The following CABYR variants were observed in gnomAD, a reference collection of about 807,000 sequenced individuals.
CABYR encodes the protein calcium-binding tyrosine phosphorylation-regulated protein.
CABYR carries 31 observed loss-of-function variants against 36.1 expected under a neutral mutation model. The ratio of observed to expected loss-of-function variants is 0.86; its 90% confidence interval spans 0.64 to 1.16. The LOEUF (loss-of-function observed/expected upper bound fraction) is 1.16, where lower values mean the gene tolerates loss of function less well. Ranked by LOEUF, CABYR falls within the 50% of genes most tolerant of loss-of-function variation. CABYR has a pLI of 0.00. For missense variants in CABYR, 429 were observed against 455.8 expected, an observed-to-expected ratio of 0.94 and a Z score of 0.53; for synonymous variants, 146 against 160.7, an observed-to-expected ratio of 0.91 and a Z score of 0.69.
chr18:24,158,153 T>C (rs988286457), intron 4 of CABYR, among the ~76,000 whole-genome samples: 10 of 152,106 alleles, frequency 6.6e-5, no homozygotes, highest in African/African-American at 2.4e-4. Context: ...TCCACAACAC[T>C]AAGAGGATAC....
chr18:24,148,524 G>T, intron 3 of CABYR: 1 of 156,634 alleles, frequency 6.4e-6, no homozygotes, highest in South Asian at 2.0e-4. Context: ...GATGTGTTGG[G>T]AGTGATGGTG....
chr18:24,149,480 C>T (rs994432179), intron 3 of CABYR, among the ~76,000 whole-genome samples: 2 of 152,254 alleles, frequency 1.3e-5, no homozygotes, highest in Non-Finnish European at 2.9e-5. Context: ...AGGAGTCCAG[C>T]TGGCTTCACC....
chr18:24,151,023 T>C (rs899452710), intron 3 of CABYR, among the ~76,000 whole-genome samples: 1 of 152,158 alleles, frequency 6.6e-6, no homozygotes, highest in Non-Finnish European at 1.5e-5. Flanking sequence ...ATACAGCCTC[T>C]CGTATCTCTT....
chr18:24,148,905 A>G (rs2085528407), intron 3 of CABYR, among the ~76,000 whole-genome samples: 1 of 152,130 alleles, frequency 6.6e-6, no homozygotes, highest in African/African-American at 2.4e-5. Context: ...GAGGAAAAAC[A>G]AAGCTTCCAC....
At chr18:24,160,444 C>G (rs1353452660) in intron 5 of CABYR, among the ~76,000 whole-genome samples, 2 of 152,156 alleles carry the variant, frequency 1.3e-5, no homozygotes, top group African/African-American at 4.8e-5. Flanking sequence ...CTGGGAACAA[C>G]TGAAGAGCAA....
chr18:24,143,281 TTGC>T (rs765362589), intron 2 of CABYR, 22 bp downstream of exon 2: 2 of 1,602,036 alleles, frequency 1.2e-6, no homozygotes, highest in Admixed American at 3.5e-5. Context: ...CTTTATATAT[TTGC>T]TGCTTTGAAA....
At chr18:24,148,726 G>C (rs1385298199) in intron 3 of CABYR, 2 of 149,538 alleles carry the variant, frequency 1.3e-5, no homozygotes, top group Middle Eastern at 3.4e-3. Flanking sequence ...GACCTTCATG[G>C]TGAGTGTTAC....
intron 1 of CABYR, chr18:24,139,504 G>T (rs1315431947): frequency 6.6e-6 from 1 of 152,260 alleles, no homozygotes. Flanking sequence ...CGAAGTCCCC[G>T]CTGGCATCCT....
chr18:24,152,968 G>C (rs2085678562), intron 3 of CABYR: 1 of 152,484 alleles, frequency 6.6e-6, no homozygotes, highest in Non-Finnish European at 1.5e-5. Context: ...TGTACTACAG[G>C]CCTCAAAACC....
At chr18:24,148,948 G>A (rs1211601136) in intron 3 of CABYR, among the ~76,000 whole-genome samples, 2 of 152,146 alleles carry the variant, frequency 1.3e-5, no homozygotes, top group African/African-American at 4.8e-5. Flanking sequence ...GGTTGCCACT[G>A]CTGGCTCGAA....
intron 3 of CABYR, among the ~76,000 whole-genome samples, chr18:24,154,270 A>G (rs534135803): frequency 1.5e-4 from 23 of 152,158 alleles, no homozygotes; most frequent in Non-Finnish European, 2.9e-4. Context: ...TCTATCCTCA[A>G]CAGTGCCTAG....
intron 3 of CABYR, among the ~76,000 whole-genome samples, chr18:24,149,695 C>T (rs2085564559): frequency 6.6e-6 from 1 of 152,232 alleles, no homozygotes; most frequent in Non-Finnish European, 1.5e-5. Context: ...CCGAGCCCTG[C>T]CCCGCAGGAA....
Position 24,161,533 on chromosome 18 carries a change from T to C in CABYR, c.*17T>C, listed in dbSNP as rs369630929. The stretch of plus-strand genomic sequence containing the variant: ...CCTAACAGATCCAGAAATGACGCTG[T>C]CTGGGTCAACATTTCAGGGAGGAGT... On this transcript the variant is annotated 3_prime_UTR_variant, in exon 6 of 6. Transcript: ENST00000399496. The C allele has an allele frequency of 1.3e-6, 1 of 780,662 alleles. No homozygotes were observed. The highest frequency in any genetic ancestry group is 2.4e-6 in the Non-Finnish European group (1 of 417,976). The allele number at this position is 780,662 out of a possible 1,614,324, so 48.4% of individuals were successfully genotyped here.
At chr18:24,148,952 G>A (rs2085530542) in intron 3 of CABYR, among the ~76,000 whole-genome samples, 1 of 152,132 alleles carries the variant, frequency 6.6e-6, no homozygotes, top group African/African-American at 2.4e-5. Context: ...GCCACTGCTG[G>A]CTCGAACAGC....
chr18:24,151,848 T>C (rs988528427), intron 3 of CABYR, among the ~76,000 whole-genome samples: 1 of 152,144 alleles, frequency 6.6e-6, no homozygotes, highest in Admixed American at 6.5e-5. Flanking sequence ...TGCCACTGTG[T>C]CTGGCTTATT....
chr18:24,148,489 G>A (rs886301640), intron 3 of CABYR: 14 of 152,832 alleles, frequency 9.2e-5, no homozygotes, highest in African/African-American at 3.4e-4. Context: ...GAGAGATGAG[G>A]TTTGGTAAAA....
intron 5 of CABYR, chr18:24,160,730 C>G (rs556037650): frequency 1.3e-5 from 2 of 152,708 alleles, no homozygotes; most frequent in African/African-American, 4.8e-5. Context: ...AAGTGTATTA[C>G]AACATGTAAA....
chr18:24,154,725 A>ATGAGT (rs2085729347), intron 3 of CABYR, among the ~76,000 whole-genome samples: 2 of 152,248 alleles, frequency 1.3e-5, no homozygotes, highest in South Asian at 4.1e-4. Context: ...AAAACTTTTG[A>ATGAGT]TGAGTTAATG....
At chr18:24,149,851 CG>C (rs2085572307) in intron 3 of CABYR, among the ~76,000 whole-genome samples, 2 of 152,232 alleles carry the variant, frequency 1.3e-5, no homozygotes, top group Non-Finnish European at 2.9e-5. Flanking sequence ...GCTCGGAATG[CG>C]GGGCCCGCCA....
Sources: gnomAD v4.1 joint callset for allele counts (sites outside exome capture counted in the v4.1 genomes callset) on GRCh38, gnomAD v4.1.1 for gene constraint, MANE v1.5 for transcripts, NCBI Gene and HGNC (gene_info 2026-07-23, HGNC 2026-07-21) for gene names.